The following SHISA9 variants were observed in gnomAD, a reference collection of about 807,000 sequenced individuals.
SHISA9 encodes the protein shisa family member 9, also known as protein shisa-9.
In SHISA9, 13 loss-of-function variants were observed where a neutral mutation model predicts 38.0. The observed-to-expected ratio is 0.34, with a 90% CI of 0.22 to 0.54. SHISA9 has a LOEUF of 0.54. SHISA9 is among the 20% of genes least tolerant of loss of function. The pLI is 0.91. For synonymous variants in SHISA9, 275 were observed against 242.0 expected (o/e 1.14, Z -1.27); for missense variants, 538 against 575.8 (o/e 0.93, Z 0.67).
chr16:13,054,327 G>A (rs1423927821), intron 2 of SHISA9, among the ~76,000 whole-genome samples: 2 of 152,182 alleles, frequency 1.3e-5, no homozygotes, highest in Non-Finnish European at 2.9e-5. Flanking sequence ...CCCACGGTCT[G>A]CTTGGCGTCT....
At chr16:13,480,255 G>A in the SHISA9 span, among the ~76,000 whole-genome samples, 1 of 152,110 alleles carries the variant, frequency 6.6e-6, no homozygotes, top group Admixed American at 6.5e-5. Flanking sequence ...TTTCTCAAGG[G>A]GTTGAGGCCA....
intron 2 of SHISA9, among the ~76,000 whole-genome samples, chr16:13,092,394 T>C (rs2073783839): frequency 6.6e-6 from 1 of 152,256 alleles, no homozygotes; most frequent in African/African-American, 2.4e-5. Context: ...AGAAGTTGTC[T>C]GCTGCCTTTT....
the SHISA9 span, among the ~76,000 whole-genome samples, chr16:13,300,094 T>C: frequency 6.6e-6 from 1 of 151,984 alleles, no homozygotes; most frequent in Non-Finnish European, 1.5e-5. Context: ...CAGACTAAAA[T>C]TGCACCTTGA....
At chr16:13,445,534 G>A in the SHISA9 span, among the ~76,000 whole-genome samples, 4 of 152,296 alleles carry the variant, frequency 2.6e-5, no homozygotes, top group South Asian at 8.3e-4. Context: ...AAAAGAGGCT[G>A]TTATTCTTAG....
Position 13,203,440 on chromosome 16 carries a change from G to A in SHISA9, c.738G>A (p.Gln246=). The A allele has an allele frequency of 1.9e-6, 3 of 1,550,462 alleles. No individual in the cohort carries two copies. The highest frequency in any genetic ancestry group is 2.6e-6 in the Non-Finnish European group (3 of 1,146,384). The change falls in exon 3 of 5, where the codon CAG becomes CAA. Residue 246 remains glutamine, a synonymous_variant. Transcript: ENST00000558583. ...NNAVPTSPLL[Q]QMGHPHSYPN... ...CAGTGCCCACCTCTCCTCTGCTCCA[G>A]CAGATGGGCCATCCACATTCGTACC...
At chr16:13,301,279 G>T in the SHISA9 span, among the ~76,000 whole-genome samples, 2 of 152,170 alleles carry the variant, frequency 1.3e-5, no homozygotes, top group African/African-American at 2.4e-5. Context: ...CTATGGTGAT[G>T]GTTTGCACTT....
chr16:13,081,318 T>C (rs900761502), intron 2 of SHISA9, among the ~76,000 whole-genome samples: 2 of 152,158 alleles, frequency 1.3e-5, no homozygotes, highest in African/African-American at 4.8e-5. Context: ...GAAGGGATCA[T>C]TTAGCACGGG....
At chr16:13,466,105 C>T in the SHISA9 span, among the ~76,000 whole-genome samples, 2 of 152,202 alleles carry the variant, frequency 1.3e-5, no homozygotes, top group Non-Finnish European at 2.9e-5. Context: ...ATTTGTACTT[C>T]CTGTTCCCAC....
intron 2 of SHISA9, among the ~76,000 whole-genome samples, chr16:13,200,415 C>CACACAG (rs1567245419): frequency 7.7e-6 from 1 of 129,162 alleles, no homozygotes; most frequent in African/African-American, 3.5e-5. Flanking sequence ...ATGAAACACA[C>CACACAG]ACACACACAC....
intron 2 of SHISA9, chr16:13,203,169 A>G (rs1308583709): frequency 5.1e-6 from 2 of 389,950 alleles, no homozygotes; most frequent in Non-Finnish European, 4.5e-6. Flanking sequence ...TTTTGAGCAC[A>G]TCTTTTGAGA....
the SHISA9 span, among the ~76,000 whole-genome samples, chr16:13,319,428 G>A: frequency 2.0e-5 from 3 of 152,258 alleles, no homozygotes; most frequent in African/African-American, 2.4e-5. Context: ...TATATTAGTC[G>A]TCAAAGTGAC....
intron 2 of SHISA9, among the ~76,000 whole-genome samples, chr16:12,939,792 A>G (rs1279826013): frequency 6.6e-6 from 1 of 152,228 alleles, no homozygotes; most frequent in Non-Finnish European, 1.5e-5. Flanking sequence ...CCTGCTGTAG[A>G]TGCTGTAGAA....
At chr16:13,365,274 C>G in the SHISA9 span, among the ~76,000 whole-genome samples, 1 of 152,074 alleles carries the variant, frequency 6.6e-6, no homozygotes, top group African/African-American at 2.4e-5. Context: ...AGCTTGTGCT[C>G]CTTACCACTG....
chr16:13,484,918 A>G, the SHISA9 span, among the ~76,000 whole-genome samples: 1 of 152,270 alleles, frequency 6.6e-6, no homozygotes, highest in African/African-American at 2.4e-5. Flanking sequence ...GGGGCCTATA[A>G]TTCGACATGA....
the SHISA9 span, among the ~76,000 whole-genome samples, chr16:13,460,131 T>C: frequency 6.6e-6 from 1 of 152,158 alleles, no homozygotes; most frequent in African/African-American, 2.4e-5. Flanking sequence ...TGGACAGTGA[T>C]TGAGTGTCTA....
the SHISA9 span, among the ~76,000 whole-genome samples, chr16:13,453,384 C>G: frequency 6.6e-6 from 1 of 152,196 alleles, no homozygotes. Flanking sequence ...GAAATGTGAG[C>G]TATTTTGTAA....
intron 2 of SHISA9, among the ~76,000 whole-genome samples, chr16:12,955,770 G>A (rs180771400): frequency 4.5e-3 from 678 of 152,134 alleles, no homozygotes; most frequent in Non-Finnish European, 7.8e-3. Context: ...GATGAATTAA[G>A]GGCTTAAATC....
intron 2 of SHISA9, among the ~76,000 whole-genome samples, chr16:13,118,734 T>TTC (rs1300368386): frequency 1.3e-5 from 2 of 148,820 alleles, no homozygotes; most frequent in Non-Finnish European, 3.0e-5. Flanking sequence ...TTTTTTCTTT[T>TTC]TTTTTTTTTT....
At chr16:13,547,214 A>G in the SHISA9 span, among the ~76,000 whole-genome samples, 2 of 152,214 alleles carry the variant, frequency 1.3e-5, no homozygotes, top group South Asian at 4.1e-4. Flanking sequence ...TGGAAAAAAA[A>G]ATGATTCTTG....
Sources: gnomAD v4.1 joint callset for allele counts (sites outside exome capture counted in the v4.1 genomes callset) on GRCh38, gnomAD v4.1.1 for gene constraint, MANE v1.5 for transcripts, NCBI Gene and HGNC (gene_info 2026-07-23, HGNC 2026-07-21) for gene names.